ARHGAP10: variants seen among roughly 807,000 people sequenced by gnomAD.
ARHGAP10 encodes the protein rho GTPase-activating protein 10.
A neutral mutation model predicts 108.6 loss-of-function variants in ARHGAP10; 87 were observed. The observed-to-expected ratio is 0.80, with a 90% CI of 0.67 to 0.96. ARHGAP10 has a LOEUF of 0.96. Ranked by LOEUF, ARHGAP10 falls within the 40% of genes least tolerant of loss-of-function variation. ARHGAP10 has a pLI of 0.00. For synonymous variants in ARHGAP10, 347 were observed against 341.1 expected (o/e 1.02, Z -0.19); for missense variants, 939 against 954.5 (o/e 0.98, Z 0.21).
At chr4:147,751,371 T>G (rs1014304743) in intron 1 of ARHGAP10, among the ~76,000 whole-genome samples, 10 of 151,706 alleles carry the variant, frequency 6.6e-5, no homozygotes, top group African/African-American at 1.9e-4. Flanking sequence ...AGTTGTTGTT[T>G]TTTTTTTTTT....
Position 147,837,643 on chromosome 4 carries a change from G to GTTTTTTTTTTTTTTTTTTTTTTT in ARHGAP10, c.313-9489_313-9488insTTTTTTTTTTTTTTTTTTTTTTT, listed in dbSNP as rs59933316. ...CACCTCGCTAGAATCTCTGGTCACT[G>GTTTTTTTTTTTTTTTTTTTTTTT]TTTTTTTTTTTTTTTTTTTAAAGCA... On this transcript the variant is annotated intron_variant, in intron 3 of 22. Coordinates refer to ENST00000336498, the MANE Select transcript of ARHGAP10 (RefSeq NM_024605.4). Among the ~76,000 whole-genome samples, 31 of 70,234 alleles carry GTTTTTTTTTTTTTTTTTTTTTTT rather than the reference G, an allele frequency of 4.4e-4. 3 individuals carry two copies. Among genetic ancestry groups the GTTTTTTTTTTTTTTTTTTTTTTT allele is most frequent in the Non-Finnish European group, 6.4e-4 (21 of 32,954 alleles). 46.1% of individuals were successfully genotyped at this position (70,234 alleles called of 152,430 possible). A position where few individuals can be genotyped will look rare whatever the true frequency, so the allele number is the denominator to read the frequency against.
At chr4:147,914,499 A>G (rs1192510154) in intron 13 of ARHGAP10, among the ~76,000 whole-genome samples, 1 of 151,236 alleles carries the variant, frequency 6.6e-6, no homozygotes, top group Non-Finnish European at 1.5e-5. Context: ...CTGGAATTAT[A>G]GACATGAGCC....
At chr4:147,906,786 T>C in intron 11 of ARHGAP10, 67 bp downstream of exon 11, 2 of 1,578,702 alleles carry the variant, frequency 1.3e-6, no homozygotes, top group South Asian at 1.1e-5. Flanking sequence ...CATTTTTATG[T>C]TATTTTTGTG....
chr4:147,816,572 G>A (rs192488563), intron 1 of ARHGAP10, among the ~76,000 whole-genome samples: 225 of 152,370 alleles, frequency 1.5e-3, no homozygotes, highest in Non-Finnish European at 2.5e-3. Context: ...GACAATGTTG[G>A]CCCATGAGCT....
At position 148,064,418 on chromosome 4, in the gene ARHGAP10, T is replaced by A. The variant is rs747898571; in HGVS notation, c.2183T>A (p.Ile728Asn). ...TTTTGTATTCTCTTTCTTTTCAGCA[T>A]CCGCAGTCGGAAGGCTCGAGCCGTG... ...ATVADKPPES[I>N]RSRKARAVYP... The change falls in exon 22 of 23, where the codon ATC becomes AAC. Residue 728 changes from isoleucine to asparagine, a missense_variant and splice_region_variant. Transcript: ENST00000336498. The A allele has an allele frequency of 2.5e-6, 4 of 1,613,366 alleles. No individual in the cohort carries two copies. The South Asian group carries it at 3.3e-5, about 13-fold the overall frequency.
intron 1 of ARHGAP10, among the ~76,000 whole-genome samples, chr4:147,762,522 T>TTTATTTA (rs1198280367): frequency 4.8e-5 from 5 of 105,092 alleles, no homozygotes; most frequent in African/African-American, 1.3e-4. Context: ...TTATTTATTT[T>TTTATTTA]TATTTATTTA....
chr4:147,939,410 C>T lies in ARHGAP10; in HGVS notation c.1229-415C>T, dbSNP rs372615012. Reference sequence around the variant, plus strand: ...ATGAATTTCTATGGTTTTCAGAAATCATCCAAACAATGATTTCTATGTACT... The same window carrying T: ...ATGAATTTCTATGGTTTTCAGAAATTATCCAAACAATGATTTCTATGTACT... On this transcript the variant is annotated intron_variant, in intron 13 of 22. Coordinates refer to ENST00000336498, the MANE Select transcript of ARHGAP10 (RefSeq NM_024605.4). Among the ~76,000 whole-genome samples the T allele has an allele frequency of 2.6e-4, 39 of 152,258 alleles. No individual in the cohort carries two copies. In the South Asian group the frequency reaches 7.2e-3, roughly 28 times the overall value.
chr4:148,012,088 A>G (rs1030126835), intron 18 of ARHGAP10, among the ~76,000 whole-genome samples: 8 of 152,360 alleles, frequency 5.3e-5, no homozygotes, highest in African/African-American at 1.9e-4. Context: ...AGATGAAGGC[A>G]TTCTACCTTC....
chr4:147,829,705 TATCTG>T (rs922791934), intron 3 of ARHGAP10, among the ~76,000 whole-genome samples: 2 of 152,182 alleles, frequency 1.3e-5, no homozygotes, highest in African/African-American at 4.8e-5. Flanking sequence ...ATGTTGTACT[TATCTG>T]AGGTGGGCAG....
intron 19 of ARHGAP10, among the ~76,000 whole-genome samples, chr4:148,036,341 A>G (rs940989667): frequency 2.0e-5 from 3 of 152,060 alleles, no homozygotes; most frequent in Non-Finnish European, 4.4e-5. Flanking sequence ...TGAATTTGTG[A>G]TATGATTTGG....
At chr4:147,806,717 T>C (rs540892217) in intron 1 of ARHGAP10, among the ~76,000 whole-genome samples, 105 of 152,280 alleles carry the variant, frequency 6.9e-4, no homozygotes, top group South Asian at 6.8e-3. Flanking sequence ...TATTATCTTT[T>C]TTGAGACAAG....
intron 10 of ARHGAP10, among the ~76,000 whole-genome samples, chr4:147,895,534 A>G (rs1735960510): frequency 6.6e-6 from 1 of 150,728 alleles, no homozygotes; most frequent in East Asian, 1.9e-4. Flanking sequence ...AAAAAAAAAA[A>G]ATTAGCCAGG....
chr4:147,899,600 C>G (rs996210616), intron 10 of ARHGAP10, among the ~76,000 whole-genome samples: 5 of 151,674 alleles, frequency 3.3e-5, no homozygotes, highest in East Asian at 1.9e-4. Context: ...AACATACAAT[C>G]TTCTGACTGT....
intron 17 of ARHGAP10, among the ~76,000 whole-genome samples, chr4:147,965,905 A>C (rs1040934109): frequency 6.6e-6 from 1 of 152,206 alleles, no homozygotes; most frequent in African/African-American, 2.4e-5. Flanking sequence ...AATAGCAAAA[A>C]CACAAAGCAG....
intron 3 of ARHGAP10, among the ~76,000 whole-genome samples, chr4:147,835,645 A>G (rs1733142093): frequency 2.0e-5 from 3 of 152,188 alleles, no homozygotes; most frequent in Admixed American, 1.3e-4. Context: ...AAGTGCTGGG[A>G]TTACAGGCAT....
At chr4:148,016,659 G>T (rs1306295640) in intron 18 of ARHGAP10, among the ~76,000 whole-genome samples, 1 of 152,104 alleles carries the variant, frequency 6.6e-6, no homozygotes, top group Non-Finnish European at 1.5e-5. Flanking sequence ...CACCAGCTAG[G>T]TGTCCTCCCA....
chr4:147,750,555 G>A (rs917051470), intron 1 of ARHGAP10, among the ~76,000 whole-genome samples: 4 of 151,382 alleles, frequency 2.6e-5, no homozygotes, highest in Non-Finnish European at 4.4e-5. Flanking sequence ...ATTAATATCC[G>A]TTTTTATGTG....
chr4:147,770,061 GGA>G (rs1730009607), intron 1 of ARHGAP10, among the ~76,000 whole-genome samples: 1 of 152,192 alleles, frequency 6.6e-6, no homozygotes, highest in Admixed American at 6.5e-5. Flanking sequence ...ACATAGAGAT[GGA>G]GTGTGTGTTC....
intron 15 of ARHGAP10, 92 bp downstream of exon 15, chr4:147,946,796 T>A: frequency 2.0e-6 from 2 of 1,006,464 alleles, no homozygotes; most frequent in East Asian, 6.1e-5. Context: ...TATCAATAGT[T>A]AAATTAAGCC....
Sources: gnomAD v4.1 joint callset for allele counts (sites outside exome capture counted in the v4.1 genomes callset) on GRCh38, gnomAD v4.1.1 for gene constraint, MANE v1.5 for transcripts, NCBI Gene and HGNC (gene_info 2026-07-23, HGNC 2026-07-21) for gene names.